Variants in PRKCA observed in about 807,000 individuals in gnomAD.
PRKCA encodes protein kinase C alpha type.
PRKCA carries 27 observed loss-of-function variants against 87.0 expected under a neutral mutation model. The ratio of observed to expected loss-of-function variants is 0.31; its 90% confidence interval spans 0.23 to 0.43. The LOEUF is 0.43. Among genes scored for constraint, PRKCA ranks in the 20% least tolerant of loss-of-function variants. PRKCA has a pLI of 1.00. For missense variants in PRKCA, 518 were observed against 852.3 expected, an observed-to-expected ratio of 0.61 and a Z score of 4.88; for synonymous variants, 329 against 311.1, an observed-to-expected ratio of 1.06 and a Z score of -0.61.
intron 2 of PRKCA, among the ~76,000 whole-genome samples, chr17:66,379,637 G>A (rs1048316723): frequency 6.6e-6 from 1 of 152,258 alleles, no homozygotes; most frequent in South Asian, 2.1e-4. Context: ...CTTTTTGCCT[G>A]TTCGGTTTTG....
At position 66,689,466 on chromosome 17, in the gene PRKCA, C is replaced by A. The variant is rs1487548312; in HGVS notation, c.918+419C>A. On this transcript the variant is annotated intron_variant, in intron 8 of 16. Coordinates refer to ENST00000413366, the MANE Select transcript of PRKCA (RefSeq NM_002737.3). The surrounding 1 kb of genome is among the most constrained non-coding windows in gnomAD (Gnocchi z 4.1). ...GGCTATCATCTGAGACTTTTTTTTTCTACAGAAAGTACAAGGTTCCTAATT... is the reference window on the plus strand; with the variant it reads ...GGCTATCATCTGAGACTTTTTTTTTATACAGAAAGTACAAGGTTCCTAATT... 6.6e-6 allele frequency among the ~76,000 whole-genome samples: 1 copy of A among 151,886 alleles called. No homozygotes were observed. The highest frequency in any genetic ancestry group is 6.6e-5 in the Admixed American group (1 of 15,256).
At chr17:66,356,202 A>AT (rs200796170) in intron 2 of PRKCA, among the ~76,000 whole-genome samples, 144 of 152,284 alleles carry the variant, frequency 9.5e-4, no homozygotes, top group African/African-American at 2.8e-3. Flanking sequence ...CCCATCGGTG[A>AT]TTTTTTTTAA....
intron 3 of PRKCA, among the ~76,000 whole-genome samples, chr17:66,634,410 A>G (rs1280529242): frequency 1.3e-5 from 2 of 152,342 alleles, no homozygotes; most frequent in Middle Eastern, 3.4e-3. Context: ...ACTTAATGAC[A>G]GGCTGCCAGT....
chr17:66,424,809 G>A (rs1012969870), intron 2 of PRKCA, among the ~76,000 whole-genome samples: 1 of 151,542 alleles, frequency 6.6e-6, no homozygotes, highest in Non-Finnish European at 1.5e-5. Flanking sequence ...GAATGCAGTG[G>A]CATGATCTGG....
In PRKCA at chr17:66,478,981, G is replaced by A. The variant is rs540284862; in HGVS notation, c.206-17220G>A. On this transcript the variant is annotated intron_variant, in intron 2 of 16. Coordinates refer to ENST00000413366, the MANE Select transcript of PRKCA (RefSeq NM_002737.3). ...TAGGCATGGGCAAAGATTTCATGAC[G>A]AAGACGCCAAAAGCAATTGCGACAA... Among the ~76,000 whole-genome samples the A allele has an allele frequency of 2.6e-4, 40 of 152,258 alleles. No homozygotes were observed. In the South Asian group the frequency reaches 5.0e-3, roughly 19 times the overall value.
chr17:66,390,641 G>A (rs1910307136), intron 2 of PRKCA, among the ~76,000 whole-genome samples: 2 of 152,100 alleles, frequency 1.3e-5, no homozygotes, highest in Non-Finnish European at 2.9e-5. Context: ...TCCCACCATT[G>A]GTTCCCAAAA....
chr17:66,336,610 G>A (rs544895600), intron 2 of PRKCA, among the ~76,000 whole-genome samples: 1 of 90,618 alleles, frequency 1.1e-5, no homozygotes, highest in East Asian at 3.3e-4. Flanking sequence ...TGGTGGTGGT[G>A]GGGGAGTAAT....
chr17:66,380,676 CTAA>C (rs965114545), intron 2 of PRKCA, among the ~76,000 whole-genome samples: 2 of 152,090 alleles, frequency 1.3e-5, no homozygotes, highest in Non-Finnish European at 2.9e-5. Context: ...TAACTTAAGT[CTAA>C]TAATGTTTTT....
chr17:66,586,746 C>A (rs1339452614), intron 3 of PRKCA, among the ~76,000 whole-genome samples: 1 of 152,248 alleles, frequency 6.6e-6, no homozygotes, highest in Non-Finnish European at 1.5e-5. Flanking sequence ...GTTGTATATA[C>A]TCCAGTGAAG....
intron 2 of PRKCA, among the ~76,000 whole-genome samples, chr17:66,334,604 T>C (rs1200222320): frequency 1.3e-5 from 2 of 152,176 alleles, no homozygotes; most frequent in African/African-American, 4.8e-5. Context: ...GTTAAGAGAA[T>C]AGAAACAAGT....
intron 16 of PRKCA, among the ~76,000 whole-genome samples, chr17:66,801,705 G>A (rs1300481033): frequency 9.9e-5 from 15 of 152,174 alleles, no homozygotes; most frequent in Admixed American, 9.8e-4. Context: ...TGGAAACGTG[G>A]GGTGTGAGAG....
At position 66,333,262 on chromosome 17, in the gene PRKCA, A is replaced by G. The variant is rs1395941284; in HGVS notation, c.205+27135A>G. ...CAGAGACTGGGTTTACCTATTAGAAAATCTAACAAACTATAGCAAATAAGC... is the reference window on the plus strand; with the variant it reads ...CAGAGACTGGGTTTACCTATTAGAAGATCTAACAAACTATAGCAAATAAGC... On this transcript the variant is annotated intron_variant, in intron 2 of 16. Transcript: ENST00000413366. Among the ~76,000 whole-genome samples, 2 of 152,220 alleles carry G rather than the reference A, an allele frequency of 1.3e-5. 1 individual carries two copies. Among genetic ancestry groups the G allele is most frequent in the South Asian group, 4.1e-4 (2 of 4,834 alleles).
intron 2 of PRKCA, among the ~76,000 whole-genome samples, chr17:66,345,988 G>T (rs1326982333): frequency 6.6e-6 from 1 of 152,118 alleles, no homozygotes; most frequent in Non-Finnish European, 1.5e-5. Context: ...GTCCATGAGG[G>T]CAGTGTTGCT....
chr17:66,654,612 G>A (rs939533309), intron 5 of PRKCA, among the ~76,000 whole-genome samples: 3 of 152,196 alleles, frequency 2.0e-5, no homozygotes, highest in African/African-American at 7.2e-5. Flanking sequence ...TACAGACACA[G>A]CCTACACTGT....
intron 16 of PRKCA, among the ~76,000 whole-genome samples, chr17:66,797,880 G>A (rs936934794): frequency 6.6e-6 from 1 of 152,222 alleles, no homozygotes; most frequent in Non-Finnish European, 1.5e-5. Flanking sequence ...GGCAAAAGGC[G>A]CGGGTGACCT....
At chr17:66,490,829 C>T (rs542838142) in intron 2 of PRKCA, among the ~76,000 whole-genome samples, 3 of 152,346 alleles carry the variant, frequency 2.0e-5, no homozygotes, top group South Asian at 4.1e-4. Context: ...GATCTGCCCA[C>T]CTCAGACTCC....
At chr17:66,352,710 C>T (rs751562469) in intron 2 of PRKCA, among the ~76,000 whole-genome samples, 34 of 151,616 alleles carry the variant, frequency 2.2e-4, no homozygotes, top group Non-Finnish European at 3.8e-4. Flanking sequence ...ACTACAGGTG[C>T]GTGCCACCAC....
At chr17:66,343,050 A>G (rs954613738) in intron 2 of PRKCA, among the ~76,000 whole-genome samples, 1 of 152,164 alleles carries the variant, frequency 6.6e-6, no homozygotes, top group African/African-American at 2.4e-5. Context: ...AAGAAGCATA[A>G]TATGCCAAGA....
intron 5 of PRKCA, among the ~76,000 whole-genome samples, chr17:66,683,619 G>A (rs1452376097): frequency 1.3e-5 from 2 of 151,978 alleles, no homozygotes; most frequent in African/African-American, 2.4e-5. Context: ...GGGGTCGGGG[G>A]GATAGAGTCT....
Sources: gnomAD v4.1 joint callset for allele counts (sites outside exome capture counted in the v4.1 genomes callset) on GRCh38, gnomAD v4.1.1 for gene constraint, Gnocchi (gnomAD v3.1) non-coding constraint, MANE v1.5 for transcripts, NCBI Gene and HGNC (gene_info 2026-07-23, HGNC 2026-07-21) for gene names.